NIPSNAP3B: variants seen among roughly 807,000 people sequenced by gnomAD.
NIPSNAP3B encodes the protein protein NipSnap homolog 3B.
NIPSNAP3B carries 30 observed loss-of-function variants against 31.5 expected under a neutral mutation model. The ratio of observed to expected loss-of-function variants is 0.95; its 90% CI spans 0.71 to 1.29. The LOEUF is 1.29. NIPSNAP3B is among the 50% of genes most tolerant of loss of function. The pLI is 0.00. For synonymous variants in NIPSNAP3B, 106 were observed against 107.9 expected, an observed-to-expected ratio of 0.98 and a Z score of 0.11; for missense variants, 269 against 300.7, an observed-to-expected ratio of 0.89 and a Z score of 0.78.
intron 2 of NIPSNAP3B, among the ~76,000 whole-genome samples, chr9:104,766,903 G>T (rs1174792998): frequency 6.6e-6 from 1 of 152,056 alleles, no homozygotes; most frequent in African/African-American, 2.4e-5. Context: ...CGTTGGGCCT[G>T]CCAAAAGACA....
chr9:104,786,508 G>A, the NIPSNAP3B span: 2 of 895,238 alleles, frequency 2.2e-6, no homozygotes, highest in Middle Eastern at 2.1e-4. Flanking sequence ...ACAAGTACAT[G>A]TGGATATAGG....
the NIPSNAP3B span, chr9:104,783,928 C>T: frequency 5.4e-6 from 1 of 184,864 alleles, no homozygotes; most frequent in South Asian, 1.1e-4. Flanking sequence ...TGATTTTGAT[C>T]AATAATCGCT....
chr9:104,773,043 G>T lies in NIPSNAP3B; in HGVS notation c.714G>T (p.Leu238=). ...TAGTTTCTCAGCAGAATATGCTTCT[G>T]ATTCCTGCATCATTTTCACCATTGA... ...NYLVSQQNML[L]IPASFSPLK The change falls in exon 6 of 6, where the codon CTG becomes CTT. Residue 238 remains leucine (L), a synonymous_variant. Coordinates refer to ENST00000374762, the MANE Select transcript of NIPSNAP3B (RefSeq NM_018376.4). 6.2e-7 allele frequency: 1 copy of T among 1,614,094 alleles called. No individual in the cohort carries two copies. Among genetic ancestry groups the T allele is most frequent in the South Asian group, 1.1e-5 (1 of 91,074 alleles).
In NIPSNAP3B at chr9:104,766,432, T is replaced by C; in HGVS notation, c.168T>C (p.Leu56=). The change falls in exon 2 of 6, where the codon CTT becomes CTC. Residue 56 remains leucine (L), a synonymous_variant. Coordinates refer to ENST00000374762, the MANE Select transcript of NIPSNAP3B (RefSeq NM_018376.4). The part of the protein sequence containing the change: ...PSNMNAFMEN[L]KKNIHLRTSY... ...ATATGAATGCGTTCATGGAAAATCT[T>C]AAGAAAAACATTCATCTTCGGACCT... 6.2e-7 allele frequency: 1 copy of C among 1,613,866 alleles called. No homozygotes were observed.
At chr9:104,788,833 T>C in the NIPSNAP3B span, among the ~76,000 whole-genome samples, 5 of 152,308 alleles carry the variant, frequency 3.3e-5, no homozygotes, top group South Asian at 6.2e-4. Flanking sequence ...TCAGAATTTC[T>C]GAGGTCATGC....
chr9:104,778,794 T>C (rs987128788), downstream of NIPSNAP3B, among the ~76,000 whole-genome samples: 13 of 152,204 alleles, frequency 8.5e-5, no homozygotes, highest in African/African-American at 3.1e-4. Context: ...CTTCCTACTG[T>C]CCTTTCTTCC....
chr9:104,772,884 G>C lies in NIPSNAP3B; in HGVS notation c.643G>C (p.Glu215Gln). The change falls in exon 5 of 6, where the codon GAG becomes CAG. Residue 215 changes from glutamate (E) to glutamine (Q), a missense_variant. Transcript: ENST00000374762. ...TGCAGCTGGGAGACATAAGTCCCAT[G>C]AGGATCCCAGAGTTGTGGCGGCTGG... ...SRAAGRHKSHEDPRVVAAVRE... is the reference protein window; with the variant it reads ...SRAAGRHKSHQDPRVVAAVRE... The C allele has an allele frequency of 6.2e-7, 1 of 1,613,660 alleles. No homozygotes were observed. Among genetic ancestry groups the C allele is most frequent in the South Asian group, 1.1e-5 (1 of 90,994 alleles).
At chr9:104,780,397 G>A (rs1180734307), downstream of NIPSNAP3B, among the ~76,000 whole-genome samples, 2 of 152,144 alleles carry the variant, frequency 1.3e-5, no homozygotes, top group African/African-American at 4.8e-5. Flanking sequence ...TCTTCAAGTA[G>A]CAAAATAAGC....
At chr9:104,784,209 T>C in the NIPSNAP3B span, 2 of 1,447,970 alleles carry the variant, frequency 1.4e-6, no homozygotes, top group Non-Finnish European at 1.9e-6. Flanking sequence ...TCCAGTTTAC[T>C]TCTTCCCACA....
the NIPSNAP3B span, chr9:104,788,503 T>C: frequency 6.2e-7 from 1 of 1,614,196 alleles, no homozygotes; most frequent in Non-Finnish European, 8.5e-7. Context: ...AACAGCTCTG[T>C]GATGGCATCA....
At position 104,772,982 on chromosome 9, in the gene NIPSNAP3B, GA is replaced by G; in HGVS notation, c.668-12del. The G allele has an allele frequency of 6.2e-7, 1 of 1,614,042 alleles. No homozygotes were observed. On this transcript the variant is annotated splice_polypyrimidine_tract_variant and intron_variant, in intron 5 of 5. Transcript: ENST00000374762. Reference sequence around the variant, plus strand: ...AACCAATAACTGTATGCCTTCTTATGAAATGTTTTTCCAGTTCGGGAAAGTG... The same window carrying G: ...AACCAATAACTGTATGCCTTCTTATGAATGTTTTTCCAGTTCGGGAAAGTG...
chr9:104,783,378 G>A, the NIPSNAP3B span: 1 of 152,216 alleles, frequency 6.6e-6, no homozygotes, highest in East Asian at 1.9e-4. Context: ...AACATCTTGA[G>A]ATGCAGTGTA....
intron 1 of NIPSNAP3B, among the ~76,000 whole-genome samples, chr9:104,765,242 AT>A (rs1214366940): frequency 6.6e-6 from 1 of 152,224 alleles, no homozygotes; most frequent in African/African-American, 2.4e-5. Flanking sequence ...CTACATAGAC[AT>A]TTGCATGTTG....
downstream of NIPSNAP3B, among the ~76,000 whole-genome samples, chr9:104,780,153 G>A (rs951060386): frequency 6.6e-6 from 1 of 152,174 alleles, no homozygotes; most frequent in African/African-American, 2.4e-5. Context: ...AAGAAACAGT[G>A]TTCTATGATT....
chr9:104,770,701 C>A, intron 3 of NIPSNAP3B, 148 bp from the exon 4 acceptor site: 2 of 565,798 alleles, frequency 3.5e-6, no homozygotes, highest in Non-Finnish European at 3.0e-6. Flanking sequence ...AAAAATAATG[C>A]AGAGAATCAA....
At position 104,764,298 on chromosome 9, in the gene NIPSNAP3B, C is replaced by T. The variant is rs759890493; in HGVS notation, c.58C>T (p.Gln20Ter). ...GCTTGCCTCACGGACGCTCGCGCCTCAGGTACTGGCCGCGGGGGCGCGCCC... is the reference window on the plus strand; with the variant it reads ...GCTTGCCTCACGGACGCTCGCGCCTTAGGTACTGGCCGCGGGGGCGCGCCC... ...KALASRTLAPQVCSSFATGPR... is the reference protein window; with the variant it reads ...KALASRTLAP Residue 20 changes from glutamine to a stop codon, truncating the protein, a stop_gained and splice_region_variant, in exon 1 of 6, where the codon CAG (glutamine) becomes TAG (stop). Coordinates refer to ENST00000374762, the MANE Select transcript of NIPSNAP3B (RefSeq NM_018376.4). LOFTEE classifies it high-confidence loss of function. 3.5e-5 allele frequency: 55 copies of T among 1,583,758 alleles called. No individual in the cohort carries two copies. The highest frequency in any genetic ancestry group is 2.2e-4 in the Middle Eastern group (1 of 4,466).
the NIPSNAP3B span, chr9:104,784,025 C>CAT: frequency 2.9e-6 from 1 of 347,078 alleles, no homozygotes; most frequent in South Asian, 4.1e-5. Flanking sequence ...AGTTCAAACC[C>CAT]ATATGTCCAT....
At chr9:104,778,478 C>T (rs1026637284), downstream of NIPSNAP3B, among the ~76,000 whole-genome samples, 2 of 152,192 alleles carry the variant, frequency 1.3e-5, no homozygotes, top group African/African-American at 4.8e-5. Context: ...CCACCCGTCT[C>T]GGCCTCCCAA....
At chr9:104,788,495 C>T in the NIPSNAP3B span, 2 of 1,614,222 alleles carry the variant, frequency 1.2e-6, no homozygotes, top group Admixed American at 1.7e-5. Flanking sequence ...TCCCAGTCAA[C>T]AGCTCTGTGA....
Sources: gnomAD v4.1 joint callset for allele counts (sites outside exome capture counted in the v4.1 genomes callset) on GRCh38, gnomAD v4.1.1 for gene constraint, MANE v1.5 for transcripts, NCBI Gene and HGNC (gene_info 2026-07-23, HGNC 2026-07-21) for gene names.